Variants in OR4K1 observed in about 807,000 individuals in gnomAD.
OR4K1 encodes the protein olfactory receptor family 4 subfamily K member 1.
OR4K1 carries 16 observed loss-of-function variants against 14.4 expected under a neutral mutation model. That is an observed-to-expected ratio of 1.11 (90% CI 0.75 to 1.68). OR4K1 has a LOEUF of 1.68. Ranked by LOEUF, OR4K1 falls within the 40% of genes most tolerant of loss-of-function variation. OR4K1 has a pLI of 0.00. For missense variants in OR4K1, 548 were observed against 376.9 expected (o/e 1.45, Z -3.76); for synonymous variants, 181 against 133.1 (o/e 1.36, Z -2.48).
the OR4K1 span, chr14:19,920,873 C>G: frequency 6.2e-7 from 1 of 1,614,172 alleles, no homozygotes; most frequent in Non-Finnish European, 8.5e-7. Flanking sequence ...TGAGTGCACA[C>G]GAGACCATAT....
the OR4K1 span, chr14:19,921,619 A>G: frequency 6.5e-7 from 1 of 1,544,926 alleles, no homozygotes; most frequent in Non-Finnish European, 8.7e-7. Flanking sequence ...TACACTGTTT[A>G]ATATTTTAAT....
At chr14:19,928,400 G>A (rs1882106953), upstream of OR4K1, among the ~76,000 whole-genome samples, 1 of 152,114 alleles carries the variant, frequency 6.6e-6, no homozygotes, top group Non-Finnish European at 1.5e-5. Context: ...TTCAGCTATT[G>A]TTTTAGTCTT....
intron 1 of OR4K1, among the ~76,000 whole-genome samples, chr14:19,933,678 C>T (rs540566392): frequency 2.0e-5 from 3 of 152,298 alleles, no homozygotes; most frequent in Admixed American, 2.0e-4. Flanking sequence ...CTGCAACCTC[C>T]ACCCCTCAGG....
At chr14:19,921,351 T>G in the OR4K1 span, 2 of 1,614,096 alleles carry the variant, frequency 1.2e-6, no homozygotes, top group South Asian at 1.1e-5. Context: ...AGTAGTAATA[T>G]TATTCTTTGG....
At chr14:19,924,580 C>T in the OR4K1 span, among the ~76,000 whole-genome samples, 1 of 152,154 alleles carries the variant, frequency 6.6e-6, no homozygotes, top group African/African-American at 2.4e-5. Flanking sequence ...AATAGGAATG[C>T]TTTTACACTG....
rs1280327989 is a variant in OR4K1, at chr14:19,930,994, G to A, written c.-171G>A. 6.6e-6 allele frequency: 1 copy of A among 152,280 alleles called. No homozygotes were observed. The highest frequency in any genetic ancestry group is 1.5e-5 in the Non-Finnish European group (1 of 68,100). 9.4% of individuals were successfully genotyped at this position (152,280 alleles called of 1,614,324 possible). On this transcript the variant is annotated 5_prime_UTR_variant, in exon 1 of 2. Transcript: ENST00000641172. The stretch of plus-strand genomic sequence containing the variant: ...TTCCTTCCATACGGCATAGTGTAGG[G>A]AACCAAGTTAAAATGCATCAAGTTA...
At chr14:19,920,897 C>A in the OR4K1 span, 1 of 1,614,164 alleles carries the variant, frequency 6.2e-7, no homozygotes, top group Non-Finnish European at 8.5e-7. Context: ...TCAGTGGCTG[C>A]ATAGCCCAAA....
chr14:19,932,769 T>C (rs552916958), intron 1 of OR4K1, among the ~76,000 whole-genome samples: 1 of 152,260 alleles, frequency 6.6e-6, no homozygotes, highest in South Asian at 2.1e-4. Flanking sequence ...ATTTGAATGG[T>C]AGCTACTTTG....
the OR4K1 span, chr14:19,921,370 T>C: frequency 2.2e-5 from 36 of 1,614,164 alleles, no homozygotes; most frequent in African/African-American, 4.1e-4. Flanking sequence ...GGACCTTGCA[T>C]CTTCATCTAT....
chr14:19,921,214 G>A, the OR4K1 span: 4 of 1,614,182 alleles, frequency 2.5e-6, no homozygotes, highest in Non-Finnish European at 3.4e-6. Context: ...GTGGTCAATA[G>A]TGGAATTCTT....
chr14:19,929,694 C>T (rs1882144415), upstream of OR4K1, among the ~76,000 whole-genome samples: 1 of 152,170 alleles, frequency 6.6e-6, no homozygotes, highest in Admixed American at 6.5e-5. Flanking sequence ...AGAGAAGCAG[C>T]CTCATAAAAT....
chr14:19,920,501 A>G, the OR4K1 span: 1 of 1,390,762 alleles, frequency 7.2e-7, no homozygotes, highest in Non-Finnish European at 9.7e-7. Flanking sequence ...ATTATATCTG[A>G]GATCTCAGAA....
At chr14:19,933,246 A>G (rs1035466726) in intron 1 of OR4K1, among the ~76,000 whole-genome samples, 3 of 151,892 alleles carry the variant, frequency 2.0e-5, no homozygotes, top group Non-Finnish European at 4.4e-5. Flanking sequence ...TTTTTTGCTT[A>G]ATAACCTATG....
At chr14:19,932,277 G>A (rs1194714782) in intron 1 of OR4K1, among the ~76,000 whole-genome samples, 1 of 152,068 alleles carries the variant, frequency 6.6e-6, no homozygotes, top group Non-Finnish European at 1.5e-5. Flanking sequence ...ACAATTTTTT[G>A]TTAATCATGT....
chr14:19,927,486 G>A (rs1423665316), upstream of OR4K1, among the ~76,000 whole-genome samples: 2 of 152,222 alleles, frequency 1.3e-5, no homozygotes, highest in Non-Finnish European at 2.9e-5. Flanking sequence ...AGTCTGGGAG[G>A]GAAGAATGAG....
At position 19,936,540 on chromosome 14, in the gene OR4K1, G is replaced by A; in HGVS notation, c.874G>A (p.Glu292Lys). The change falls in exon 2 of 2, where the codon GAA becomes AAA. Residue 292 changes from glutamate (E) to lysine (K), a missense_variant. Glu to Lys is a moderately conservative substitution (Grantham distance 56). Transcript: ENST00000641172. ...LNPIIYSLRNEDVKAAMWKLR... is the reference protein window; with the variant it reads ...LNPIIYSLRNKDVKAAMWKLR... Reference sequence around the variant, plus strand: ...CCCCATCATCTACTCTCTGAGGAATGAAGATGTTAAAGCAGCCATGTGGAA... The same window carrying A: ...CCCCATCATCTACTCTCTGAGGAATAAAGATGTTAAAGCAGCCATGTGGAA... The A allele has an allele frequency of 6.2e-7, 1 of 1,612,128 alleles. No homozygotes were observed. The highest frequency in any genetic ancestry group is 8.5e-7 in the Non-Finnish European group (1 of 1,179,440).
chr14:19,930,797 T>G (rs188269196), upstream of OR4K1: 65 of 152,374 alleles, frequency 4.3e-4, no homozygotes, highest in Middle Eastern at 6.8e-3. Flanking sequence ...CACTGGAAAG[T>G]GACCTCAGAT....
chr14:19,921,173 C>A, the OR4K1 span: 5 of 1,614,144 alleles, frequency 3.1e-6, no homozygotes, highest in East Asian at 8.9e-5. Context: ...AACTTGCCTG[C>A]CTGGACTCTT....
At chr14:19,921,629 TG>T in the OR4K1 span, 3 of 1,519,368 alleles carry the variant, frequency 2.0e-6, no homozygotes, top group Non-Finnish European at 2.7e-6. Context: ...AATATTTTAA[TG>T]TATTTTTGTG....
Sources: allele counts gnomAD v4.1 joint callset (sites outside exome capture counted in the v4.1 genomes callset), GRCh38; gene constraint gnomAD v4.1.1; transcripts MANE v1.5; gene names NCBI Gene and HGNC (gene_info 2026-07-23, HGNC 2026-07-21).